The following COLEC10 variants were observed in gnomAD, a reference collection of about 807,000 sequenced individuals.
COLEC10 encodes the protein collectin-10.
COLEC10 carries 22 observed loss-of-function variants against 28.4 expected under a neutral mutation model. That is an observed-to-expected ratio of 0.78 (90% CI 0.55 to 1.11). The LOEUF (loss-of-function observed/expected upper bound fraction) is 1.11. Ranked by LOEUF, COLEC10 falls within the 50% of genes least tolerant of loss-of-function variation. The pLI is 0.00. For missense variants in COLEC10, 361 were observed against 344.1 expected (o/e 1.05, Z -0.39); for synonymous variants, 125 against 116.1 (o/e 1.08, Z -0.49).
chr8:119,098,138 A>C (rs1177859451), intron 3 of COLEC10, among the ~76,000 whole-genome samples: 1 of 152,028 alleles, frequency 6.6e-6, no homozygotes, highest in African/African-American at 2.4e-5. Flanking sequence ...TGGTCATTCT[A>C]GATTTTGCAC....
chr8:118,952,482 G>A, the COLEC10 span, among the ~76,000 whole-genome samples: 2 of 152,202 alleles, frequency 1.3e-5, no homozygotes, highest in African/African-American at 2.4e-5. Context: ...AGCCCTTTTC[G>A]GGGAGTTCGC....
the COLEC10 span, among the ~76,000 whole-genome samples, chr8:118,966,719 A>G: frequency 6.6e-6 from 1 of 151,682 alleles, no homozygotes; most frequent in Non-Finnish European, 1.5e-5. Flanking sequence ...AACTCCAACC[A>G]TAATGTATTT....
chr8:119,077,259 T>TC (rs202017646), intron 1 of COLEC10, among the ~76,000 whole-genome samples: 11,616 of 149,628 alleles, frequency 0.078, 685 homozygotes, highest in Middle Eastern at 0.18. Flanking sequence ...TTTTTTTTTT[T>TC]TTTTTTTTGC....
At chr8:119,056,654 A>G (rs891375875) in intron 2 of COLEC10, among the ~76,000 whole-genome samples, 6 of 152,004 alleles carry the variant, frequency 3.9e-5, no homozygotes, top group Non-Finnish European at 7.4e-5. Flanking sequence ...AAAACACCTC[A>G]TTTCATAAAG....
chr8:119,090,347 A>G (rs1375637964), intron 2 of COLEC10, among the ~76,000 whole-genome samples: 1 of 152,196 alleles, frequency 6.6e-6, no homozygotes, highest in Non-Finnish European at 1.5e-5. Context: ...TCACCAAAAT[A>G]TAACTTCTAG....
At chr8:118,985,516 G>C in the COLEC10 span, among the ~76,000 whole-genome samples, 1 of 151,990 alleles carries the variant, frequency 6.6e-6, no homozygotes, top group Non-Finnish European at 1.5e-5. Flanking sequence ...AAAAAAAAAG[G>C]TGATTTAAAC....
chr8:119,103,778 CA>C, intron 4 of COLEC10, 21 bp from the exon 5 acceptor site: 1 of 1,474,648 alleles, frequency 6.8e-7, no homozygotes, highest in Non-Finnish European at 9.5e-7. Flanking sequence ...AACATGAATT[CA>C]CAGTTTTTGT....
chr8:118,993,887 C>G (rs1180123853), upstream of COLEC10, among the ~76,000 whole-genome samples: 1 of 152,014 alleles, frequency 6.6e-6, no homozygotes, highest in Non-Finnish European at 1.5e-5. Context: ...AGCACTGGGG[C>G]CCTGGTTAAA....
intron 2 of COLEC10, among the ~76,000 whole-genome samples, chr8:119,050,501 A>G (rs1814657191): frequency 6.6e-6 from 1 of 152,192 alleles, no homozygotes; most frequent in African/African-American, 2.4e-5. Context: ...GCATATACAC[A>G]CTTATAGTCT....
In COLEC10 at chr8:119,067,409, C is replaced by T. The variant is rs749233447; in HGVS notation, c.128C>T (p.Thr43Ile). 1 of 1,613,858 alleles carries T rather than the reference C, an allele frequency of 6.2e-7. No individual in the cohort carries two copies. The highest frequency in any genetic ancestry group is 8.5e-7 in the Non-Finnish European group (1 of 1,179,880). The change falls in exon 1 of 6, where the codon ACA becomes ATA. Residue 43 changes from threonine to isoleucine, a missense_variant. Coordinates refer to ENST00000332843, the MANE Select transcript of COLEC10 (RefSeq NM_006438.5). ...RPTAEVCATH[T>I]ISPGPKGDDG... ...ACCGCTGAAGTCTGTGCCACACACACAATTTCACCAGGACCCAAAGGTGAG... is the reference window on the plus strand; with the variant it reads ...ACCGCTGAAGTCTGTGCCACACACATAATTTCACCAGGACCCAAAGGTGAG...
In COLEC10 at chr8:119,089,764, A is replaced by G. The variant is rs1233400179; in HGVS notation, c.220+13A>G. The G allele has an allele frequency of 6.2e-7, 1 of 1,603,202 alleles. No individual in the cohort carries two copies. The highest frequency in any genetic ancestry group is 8.5e-7 in the Non-Finnish European group (1 of 1,170,374). On this transcript the variant is annotated intron_variant, in intron 2 of 5. Transcript: ENST00000332843. ...ATGGGGCCGAAAGGTAACTAAAATGATGTGAAACTGACATTTTAATATCAT... is the reference window on the plus strand; with the variant it reads ...ATGGGGCCGAAAGGTAACTAAAATGGTGTGAAACTGACATTTTAATATCAT...
upstream of COLEC10, among the ~76,000 whole-genome samples, chr8:118,993,025 C>G (rs1033686638): frequency 6.6e-6 from 1 of 152,142 alleles, no homozygotes; most frequent in African/African-American, 2.4e-5. Flanking sequence ...TTCGTGAGTT[C>G]CCTTTGCAGG....
intron 3 of COLEC10, among the ~76,000 whole-genome samples, chr8:119,100,465 C>A (rs1330166116): frequency 1.3e-5 from 2 of 152,118 alleles, no homozygotes; most frequent in Non-Finnish European, 2.9e-5. Flanking sequence ...TTTTTTCCAA[C>A]TTACAGGTAA....
chr8:118,972,105 A>G, the COLEC10 span, among the ~76,000 whole-genome samples: 1 of 151,868 alleles, frequency 6.6e-6, no homozygotes, highest in African/African-American at 2.4e-5. Context: ...AAAAACTAGC[A>G]CCTAGTGTGA....
Position 119,107,072 on chromosome 8 carries a change from A to G in COLEC10, c.*881A>G, listed in dbSNP as rs547214757. Among the ~76,000 whole-genome samples, 9 of 152,254 alleles carry G rather than the reference A, an allele frequency of 5.9e-5. No individual in the cohort carries two copies. In the South Asian group the frequency reaches 1.2e-3, roughly 21 times the overall value. On this transcript the variant is annotated 3_prime_UTR_variant, in exon 6 of 6. Transcript: ENST00000332843. ...ATTTATCTTAGGTTTACCTGCATCA[A>G]TTTTATTCACCTTAGGCATAGGGAA...
At chr8:119,104,359 A>C (rs1048247345) in intron 5 of COLEC10, among the ~76,000 whole-genome samples, 3 of 152,182 alleles carry the variant, frequency 2.0e-5, no homozygotes, top group Non-Finnish European at 2.9e-5. Flanking sequence ...GCTTAGAGGA[A>C]GTACCTTGCC....
chr8:118,990,588 G>C (rs1407456258), upstream of COLEC10, among the ~76,000 whole-genome samples: 1 of 152,110 alleles, frequency 6.6e-6, no homozygotes, highest in Non-Finnish European at 1.5e-5. Flanking sequence ...AGGGGATAGA[G>C]CTTCAAAGGG....
At chr8:119,096,911 T>G (rs1160204308) in intron 3 of COLEC10, among the ~76,000 whole-genome samples, 1 of 152,144 alleles carries the variant, frequency 6.6e-6, no homozygotes, top group Middle Eastern at 3.4e-3. Flanking sequence ...CAACTGAAAC[T>G]CTTATACTTT....
the COLEC10 span, among the ~76,000 whole-genome samples, chr8:118,980,755 C>A: frequency 6.6e-6 from 1 of 151,828 alleles, no homozygotes; most frequent in South Asian, 2.1e-4. Flanking sequence ...TAGACACGTT[C>A]AAAAATTCAG....
Sources: gnomAD v4.1 joint callset for allele counts (sites outside exome capture counted in the v4.1 genomes callset) on GRCh38, gnomAD v4.1.1 for gene constraint, MANE v1.5 for transcripts, NCBI Gene and HGNC (gene_info 2026-07-23, HGNC 2026-07-21) for gene names.